Variants in EPSTI1 observed in about 807,000 individuals in gnomAD.
The protein encoded by EPSTI1 is epithelial-stromal interaction protein 1.
EPSTI1 carries 66 observed loss-of-function variants against 49.9 expected under a neutral mutation model. That is an observed-to-expected ratio of 1.32 (90% CI 1.08 to 1.62). The LOEUF is 1.62. Among genes scored for constraint, EPSTI1 ranks in the 40% most tolerant of loss-of-function variants. The pLI is 0.00. For missense variants in EPSTI1, 394 were observed against 365.5 expected (o/e 1.08, Z -0.64); for synonymous variants, 137 against 130.7 (o/e 1.05, Z -0.33).
intron 10 of EPSTI1, among the ~76,000 whole-genome samples, chr13:42,893,767 G>A (rs2037108605): frequency 6.6e-6 from 1 of 152,148 alleles, no homozygotes; most frequent in Non-Finnish European, 1.5e-5. Context: ...ACCATACAGT[G>A]TGTTTCCAAG....
chr13:42,931,102 T>C (rs999574255), intron 6 of EPSTI1, among the ~76,000 whole-genome samples: 1 of 151,968 alleles, frequency 6.6e-6, no homozygotes, highest in African/African-American at 2.4e-5. Flanking sequence ...GCATTCTTAA[T>C]ACTCTTTCCT....
rs573300195 is a variant in EPSTI1 at position 42,920,552 on chromosome 13, T to C, written c.658-2928A>G. ...GCTATTGAGGAAGACAGATGGATAATAGGCAGGTAAAAAGGAAGGAATTAC... is the reference window on the plus strand; with the variant it reads ...GCTATTGAGGAAGACAGATGGATAACAGGCAGGTAAAAAGGAAGGAATTAC... On this transcript the variant is annotated intron_variant, in intron 7 of 10. Coordinates refer to ENST00000313624, the MANE Select transcript of EPSTI1 (RefSeq NM_033255.5). Among the ~76,000 whole-genome samples the C allele has an allele frequency of 1.4e-4, 21 of 152,196 alleles. 1 individual carries two copies. In the Middle Eastern group the frequency reaches 0.024, roughly 173 times the overall value.
At chr13:42,970,744 C>T (rs1214075799) in intron 1 of EPSTI1, 74 bp from the exon 2 acceptor site, 2 of 1,194,632 alleles carry the variant, frequency 1.7e-6, no homozygotes, top group Admixed American at 2.0e-5. Flanking sequence ...AGATATTTTT[C>T]CTTCTATTAT....
Position 42,922,257 on chromosome 13 carries a change from C to A in EPSTI1, c.657+4079G>T, listed in dbSNP as rs75967486. ...GGGTTGCATAATGGCCCCCCAAAGA[C>A]GTCCCAATCCCTGGAATCTGTGAAT... On this transcript the variant is annotated intron_variant, in intron 7 of 10. Coordinates refer to ENST00000313624, the MANE Select transcript of EPSTI1 (RefSeq NM_033255.5). This position sits in a 1 kb window ranked among gnomAD's most constrained non-coding sequence, Gnocchi z 4.8. 1.3e-5 allele frequency among the ~76,000 whole-genome samples: 2 copies of A among 152,090 alleles called. No individual in the cohort carries two copies. Among genetic ancestry groups the A allele is most frequent in the African/African-American group, 2.4e-5 (1 of 41,400 alleles).
intron 5 of EPSTI1, among the ~76,000 whole-genome samples, chr13:42,954,291 T>G (rs979825257): frequency 6.6e-6 from 1 of 152,224 alleles, no homozygotes; most frequent in African/African-American, 2.4e-5. Context: ...ATTCTTTAGT[T>G]CAAATGATAG....
chr13:42,888,932 G>A (rs2036946165), intron 10 of EPSTI1, among the ~76,000 whole-genome samples: 1 of 152,220 alleles, frequency 6.6e-6, no homozygotes, highest in Non-Finnish European at 1.5e-5. Flanking sequence ...TTGATGTAGG[G>A]AGATAGATTG....
At chr13:42,900,559 T>C (rs2037327108) in intron 8 of EPSTI1, among the ~76,000 whole-genome samples, 176 bp from the exon 9 acceptor site, 2 of 152,068 alleles carry the variant, frequency 1.3e-5, no homozygotes, top group South Asian at 2.1e-4. Context: ...AGCAAATAAC[T>C]GTGGCTTAGT....
intron 1 of EPSTI1, among the ~76,000 whole-genome samples, chr13:42,975,132 T>G (rs748252036): frequency 1.1e-4 from 17 of 152,244 alleles, no homozygotes; most frequent in Non-Finnish European, 1.8e-4. Context: ...TATTGGTTTT[T>G]GTTACATGAC....
At chr13:42,985,049 G>A (rs1008718882) in intron 1 of EPSTI1, among the ~76,000 whole-genome samples, 2 of 152,196 alleles carry the variant, frequency 1.3e-5, no homozygotes, top group African/African-American at 4.8e-5. Flanking sequence ...AAGGGGGAAT[G>A]CTTGTGAAGG....
intron 1 of EPSTI1, among the ~76,000 whole-genome samples, chr13:42,979,479 G>A (rs923825336): frequency 6.6e-6 from 1 of 151,826 alleles, no homozygotes; most frequent in Non-Finnish European, 1.5e-5. Flanking sequence ...CTACTCAGGA[G>A]GCTGAGGCAG....
intron 1 of EPSTI1, among the ~76,000 whole-genome samples, chr13:42,988,551 C>T (rs373945616): frequency 1.3e-5 from 2 of 151,948 alleles, no homozygotes; most frequent in East Asian, 1.9e-4. Flanking sequence ...GCCAATGTGG[C>T]GAAACCCCGT....
intron 6 of EPSTI1, among the ~76,000 whole-genome samples, chr13:42,942,874 G>A (rs58301132): frequency 0.047 from 7,159 of 151,368 alleles, 563 homozygotes; most frequent in African/African-American, 0.16. Flanking sequence ...ATTTTTAGTA[G>A]AGACGGGGTT....
At chr13:42,900,281 AG>A (rs767177454) in intron 9 of EPSTI1, 28 bp downstream of exon 9, 13 of 1,596,440 alleles carry the variant, frequency 8.1e-6, no homozygotes, top group Non-Finnish European at 1.0e-5. Context: ...GATTTAACCA[AG>A]GATGCTTATT....
intron 6 of EPSTI1, among the ~76,000 whole-genome samples, chr13:42,931,435 G>C (rs1050354331): frequency 3.3e-5 from 5 of 151,742 alleles, no homozygotes; most frequent in Admixed American, 6.6e-5. Context: ...TCGATCTCCT[G>C]ACCTCATGAT....
At chr13:42,919,211 G>A in intron 7 of EPSTI1, 1 of 1,176,728 alleles carries the variant, frequency 8.5e-7, no homozygotes, top group South Asian at 1.3e-5. Flanking sequence ...TAAATAAGGT[G>A]CCTTATAAAG....
chr13:42,889,484 C>T (rs1257270578), intron 10 of EPSTI1, among the ~76,000 whole-genome samples: 1 of 152,150 alleles, frequency 6.6e-6, no homozygotes, highest in Non-Finnish European at 1.5e-5. Flanking sequence ...TCCTTGTTTA[C>T]TCTGTCTCTG....
intron 5 of EPSTI1, among the ~76,000 whole-genome samples, chr13:42,959,486 C>T (rs1163138709): frequency 6.6e-6 from 1 of 152,168 alleles, no homozygotes; most frequent in Non-Finnish European, 1.5e-5. Flanking sequence ...AACTGTTAGC[C>T]CTTGCTACTA....
At chr13:42,909,159 C>T (rs961338401) in intron 8 of EPSTI1, among the ~76,000 whole-genome samples, 10 of 152,112 alleles carry the variant, frequency 6.6e-5, no homozygotes, top group African/African-American at 2.2e-4. Context: ...AGAAAACATG[C>T]AAATGGCCAA....
chr13:42,937,449 T>G (rs1322276020), intron 6 of EPSTI1, among the ~76,000 whole-genome samples: 1 of 152,238 alleles, frequency 6.6e-6, no homozygotes, highest in Non-Finnish European at 1.5e-5. Flanking sequence ...TTACCCATAG[T>G]AGAACTTCAT....
Sources: allele counts gnomAD v4.1 joint callset (sites outside exome capture counted in the v4.1 genomes callset), GRCh38; gene constraint gnomAD v4.1.1; non-coding constraint Gnocchi (gnomAD v3.1); transcripts MANE v1.5; gene names NCBI Gene and HGNC (gene_info 2026-07-23, HGNC 2026-07-21).